The following TOP1MT variants were observed in gnomAD, a reference collection of about 807,000 sequenced individuals.
The protein encoded by TOP1MT is DNA topoisomerase I, mitochondrial.
Under a neutral mutation model 73.9 loss-of-function variants are expected in TOP1MT, and 80 were observed. The observed-to-expected ratio is 1.08, with a 90% CI of 0.90 to 1.30. The LOEUF is 1.30. Among genes scored for constraint, TOP1MT ranks in the 50% most tolerant of loss-of-function variants. TOP1MT has a pLI of 0.00. For synonymous variants in TOP1MT, 338 were observed against 326.4 expected (o/e 1.04, Z -0.38); for missense variants, 815 against 808.0 (o/e 1.01, Z -0.10).
chr8:143,339,409 G>A (rs1460029930), upstream of TOP1MT, among the ~76,000 whole-genome samples: 2 of 152,186 alleles, frequency 1.3e-5, no homozygotes, highest in Non-Finnish European at 2.9e-5. Context: ...ACTGCAGTGT[G>A]GCCCACTTGT....
At chr8:143,324,166 A>G (rs1031626496) in intron 6 of TOP1MT, 24 bp from the exon 7 acceptor site, 1 of 1,611,246 alleles carries the variant, frequency 6.2e-7, no homozygotes, top group Non-Finnish European at 8.5e-7. Flanking sequence ...ATAACAGGAA[A>G]GAAAACATTC....
Position 143,342,776 on chromosome 8 carries a change from C to CTATTATTAT in TOP1MT, c.29+435_29+443dup, listed in dbSNP as rs748359888. ...TTATTATTAGAGACAGAGTCTTGCT[C>CTATTATTAT]TATTATTATTATTATTATTATTATT... On this transcript the variant is annotated intron_variant, in intron 2 of 5. Transcript: ENST00000518007. Among the ~76,000 whole-genome samples, 341 of 78,694 alleles carry CTATTATTAT rather than the reference C, an allele frequency of 4.3e-3. 22 individuals carry two copies. The highest frequency in any genetic ancestry group is 0.02 in the Admixed American group (140 of 6,936). 51.6% of individuals were successfully genotyped at this position (78,694 alleles called of 152,430 possible). A position where few individuals can be genotyped will look rare whatever the true frequency, so the allele number is the denominator to read the frequency against.
intron 2 of TOP1MT, among the ~76,000 whole-genome samples, chr8:143,342,133 T>C (rs1817103953): frequency 7.4e-6 from 1 of 135,502 alleles, no homozygotes; most frequent in East Asian, 2.0e-4. Context: ...AGTCTCGCTC[T>C]GTTATTATTA....
At chr8:143,332,027 C>A (rs551115573) in intron 1 of TOP1MT, among the ~76,000 whole-genome samples, 4 of 151,760 alleles carry the variant, frequency 2.6e-5, no homozygotes, top group African/African-American at 9.7e-5. Context: ...CCCCAGGGCG[C>A]CCCCTTCTGG....
upstream of TOP1MT, chr8:143,359,146 G>A (rs1817461847): frequency 2.3e-6 from 2 of 885,638 alleles, no homozygotes; most frequent in Non-Finnish European, 2.7e-6. Flanking sequence ...CGGCCCTTAA[G>A]TAGACTATTT....
intron 1 of TOP1MT, among the ~76,000 whole-genome samples, chr8:143,354,863 G>A (rs1817381797): frequency 6.6e-6 from 1 of 151,182 alleles, no homozygotes; most frequent in Non-Finnish European, 1.5e-5. Flanking sequence ...TTAAGGACAG[G>A]AAAAAAAAGG....
chr8:143,321,123 G>A (rs1043687555), intron 8 of TOP1MT, 78 bp downstream of exon 8: 196 of 1,439,982 alleles, frequency 1.4e-4, no homozygotes, highest in Middle Eastern at 1.8e-4. Context: ...CAGACCCCAC[G>A]GCAGCTCCGG....
At chr8:143,354,931 CG>C (rs1196485067) in intron 1 of TOP1MT, among the ~76,000 whole-genome samples, 1 of 152,120 alleles carries the variant, frequency 6.6e-6, no homozygotes, top group Non-Finnish European at 1.5e-5. Flanking sequence ...AGGAAAGTGA[CG>C]GACAGAAAAC....
At chr8:143,321,718 G>A (rs1416955335) in intron 7 of TOP1MT, among the ~76,000 whole-genome samples, 11 of 86,248 alleles carry the variant, frequency 1.3e-4, no homozygotes, top group African/African-American at 5.0e-4. Flanking sequence ...TGCCACACAC[G>A]CACGCCACAC....
chr8:143,349,175 C>A (rs886148524), upstream of TOP1MT, among the ~76,000 whole-genome samples: 6 of 151,930 alleles, frequency 3.9e-5, no homozygotes, highest in African/African-American at 1.5e-4. Context: ...CAAGCACACA[C>A]AAACAGAGAG....
At chr8:143,313,550 C>CA (rs34073373) in intron 12 of TOP1MT, among the ~76,000 whole-genome samples, 1,443 of 103,366 alleles carry the variant, frequency 0.014, 38 homozygotes, top group African/African-American at 0.044. Flanking sequence ...ACTCCATCAC[C>CA]AAAAAAAAAA....
chr8:143,326,406 C>T, intron 3 of TOP1MT, 62 bp from the exon 4 acceptor site: 20 of 1,599,224 alleles, frequency 1.3e-5, no homozygotes, highest in Admixed American at 3.4e-5. Flanking sequence ...AGAGCGCTCT[C>T]GCCATGTCTG....
At chr8:143,322,384 C>G (rs1458159510) in intron 7 of TOP1MT, among the ~76,000 whole-genome samples, 2 of 97,296 alleles carry the variant, frequency 2.1e-5, no homozygotes, top group African/African-American at 3.2e-5. Flanking sequence ...ACGCCACACA[C>G]GCACGCCACA....
At chr8:143,339,322 C>T (rs1390231664), upstream of TOP1MT, among the ~76,000 whole-genome samples, 1 of 152,254 alleles carries the variant, frequency 6.6e-6, no homozygotes. Context: ...GTGCGTATCA[C>T]ACCCCCAGCA....
rs113343264 is a variant in TOP1MT at position 143,324,368 on chromosome 8, G to C, written c.816+117C>G. On this transcript the variant is annotated intron_variant, in intron 6 of 13. Coordinates refer to ENST00000329245, the MANE Select transcript of TOP1MT (RefSeq NM_052963.3). ...GCACAGCATGACCTCAGCACGGGCT[G>C]GCCGACTCCCAGCCCATCTCAGAAG... The C allele has an allele frequency of 2.3e-4, 349 of 1,499,348 alleles. 1 individual carries two copies. The African/African-American group carries it at 4.3e-3, about 19-fold the overall frequency. The allele number at this position is 1,499,348 out of a possible 1,614,324, so 92.9% of individuals were successfully genotyped here.
intron 7 of TOP1MT, among the ~76,000 whole-genome samples, chr8:143,323,211 CCACACAGGCACGCCA>C (rs1159753390): frequency 1.6e-4 from 16 of 99,424 alleles, no homozygotes; most frequent in East Asian, 3.5e-4. Context: ...CACAGGCACG[CCACACAGGCACGCCA>C]CACACAGGCA....
At chr8:143,317,646 A>C in intron 10 of TOP1MT, 77 bp downstream of exon 10, 2 of 1,352,072 alleles carry the variant, frequency 1.5e-6, no homozygotes, top group Non-Finnish European at 2.1e-6. Context: ...TCACTCAACA[A>C]GGGCCAGCCG....
At chr8:143,351,360 G>C (rs1423861796) in intron 1 of TOP1MT, among the ~76,000 whole-genome samples, 1 of 152,102 alleles carries the variant, frequency 6.6e-6, no homozygotes, top group African/African-American at 2.4e-5. Flanking sequence ...ATCACCTGAG[G>C]TCAGGAGTTC....
At chr8:143,328,872 G>C (rs1277248789) in intron 3 of TOP1MT, among the ~76,000 whole-genome samples, 2 of 152,188 alleles carry the variant, frequency 1.3e-5, no homozygotes, top group Non-Finnish European at 2.9e-5. Flanking sequence ...CATAAAATCA[G>C]TCAGGCCATG....
Sources: allele counts gnomAD v4.1 joint callset (sites outside exome capture counted in the v4.1 genomes callset), GRCh38; gene constraint gnomAD v4.1.1; transcripts MANE v1.5; gene names NCBI Gene and HGNC (gene_info 2026-07-23, HGNC 2026-07-21).